Variants in CLIC5 observed in about 807,000 individuals in gnomAD.
The protein encoded by CLIC5 is CLIC family member 5.
Under a neutral mutation model 24.7 loss-of-function variants are expected in CLIC5, and 20 were observed. That is an observed-to-expected ratio of 0.81 (90% CI 0.57 to 1.18). CLIC5 has a LOEUF of 1.18. CLIC5 is among the 50% of genes most tolerant of loss of function. CLIC5 has a pLI of 0.00. For missense variants in CLIC5, 341 were observed against 326.1 expected, an observed-to-expected ratio of 1.05 and a Z score of -0.35; for synonymous variants, 159 against 135.6, an observed-to-expected ratio of 1.17 and a Z score of -1.20.
At chr6:46,015,861 G>T, upstream of CLIC5, 2 of 1,088,722 alleles carry the variant, frequency 1.8e-6, no homozygotes, top group Non-Finnish European at 2.2e-6. Flanking sequence ...GACTGTCAGC[G>T]ATCCCGCCGC....
chr6:46,090,570 T>TA, the CLIC5 span, among the ~76,000 whole-genome samples: 1 of 152,222 alleles, frequency 6.6e-6, no homozygotes, highest in African/African-American at 2.4e-5. Context: ...ATTTAATTTT[T>TA]AAAAAATGTT....
chr6:46,042,465 G>C (rs938588635), intron 1 of CLIC5, among the ~76,000 whole-genome samples: 1 of 152,032 alleles, frequency 6.6e-6, no homozygotes, highest in African/African-American at 2.4e-5. Context: ...GCCCACCTAG[G>C]AGGTGGGGCA....
chr6:45,984,257 G>A (rs1238059691), intron 1 of CLIC5, among the ~76,000 whole-genome samples: 2 of 152,224 alleles, frequency 1.3e-5, no homozygotes, highest in African/African-American at 4.8e-5. Flanking sequence ...AGAGGGATGT[G>A]TAGAATTAAT....
At chr6:45,888,263 A>G (rs756285305) in intron 6 of CLIC5, among the ~76,000 whole-genome samples, 16 of 152,232 alleles carry the variant, frequency 1.1e-4, no homozygotes, top group Non-Finnish European at 5.9e-5. Flanking sequence ...AATTCTCCAT[A>G]GCCATAGGTC....
intron 1 of CLIC5, among the ~76,000 whole-genome samples, chr6:46,027,501 T>C (rs927413746): frequency 6.6e-6 from 1 of 152,214 alleles, no homozygotes; most frequent in Non-Finnish European, 1.5e-5. Context: ...TCAACCTTTG[T>C]AGTTTCAATA....
intron 6 of CLIC5, chr6:45,892,374 C>T (rs541970705): frequency 1.3e-5 from 2 of 152,342 alleles, no homozygotes; most frequent in South Asian, 4.1e-4. Flanking sequence ...GTGACCACAC[C>T]TTGGTTTTGC....
intron 1 of CLIC5, among the ~76,000 whole-genome samples, chr6:46,041,997 C>A (rs1023394794): frequency 2.6e-5 from 4 of 152,302 alleles, no homozygotes; most frequent in African/African-American, 7.2e-5. Flanking sequence ...AGGCACTGGA[C>A]TACCAGTTTC....
At chr6:46,110,087 G>C in the CLIC5 span, among the ~76,000 whole-genome samples, 2 of 152,212 alleles carry the variant, frequency 1.3e-5, no homozygotes, top group South Asian at 2.1e-4. Context: ...TCCCAGGATC[G>C]ACTGTATCTT....
Position 45,941,660 on chromosome 6 carries a change from T to C in CLIC5, c.300-7A>G. The C allele has an allele frequency of 1.2e-6, 2 of 1,606,234 alleles. No individual in the cohort carries two copies. The highest frequency in any genetic ancestry group is 1.7e-6 in the Non-Finnish European group (2 of 1,172,846). ...TGCAGCCAGTTTGGGGTACCTGGAATGGAGGATGCAGTGTTCTGTGAATCA... is the reference window on the plus strand; with the variant it reads ...TGCAGCCAGTTTGGGGTACCTGGAACGGAGGATGCAGTGTTCTGTGAATCA... On this transcript the variant is annotated splice_polypyrimidine_tract_variant and splice_region_variant and intron_variant, in intron 3 of 5. Coordinates refer to ENST00000339561, the MANE Select transcript of CLIC5 (RefSeq NM_016929.5).
At chr6:46,085,408 T>A in the CLIC5 span, among the ~76,000 whole-genome samples, 2 of 152,220 alleles carry the variant, frequency 1.3e-5, no homozygotes, top group Non-Finnish European at 2.9e-5. Flanking sequence ...TGTGGTTTTA[T>A]CTACTTTTGG....
chr6:45,997,982 C>G (rs934404867), intron 1 of CLIC5, among the ~76,000 whole-genome samples: 1 of 152,234 alleles, frequency 6.6e-6, no homozygotes, highest in Non-Finnish European at 1.5e-5. Flanking sequence ...GTGCCTTGAT[C>G]AAGGGTGTAG....
At chr6:45,984,923 G>A (rs1334981967) in intron 1 of CLIC5, among the ~76,000 whole-genome samples, 1 of 152,182 alleles carries the variant, frequency 6.6e-6, no homozygotes, top group African/African-American at 2.4e-5. Context: ...AACAAGGTCG[G>A]TAACTGCCAT....
chr6:45,973,945 G>A (rs1442557106), intron 1 of CLIC5, among the ~76,000 whole-genome samples: 1 of 148,682 alleles, frequency 6.7e-6, no homozygotes, highest in East Asian at 1.9e-4. Flanking sequence ...AAAAAAAGCA[G>A]AATAGTTGAT....
chr6:46,097,380 C>T, the CLIC5 span: 1 of 152,216 alleles, frequency 6.6e-6, no homozygotes, highest in Admixed American at 6.5e-5. Context: ...TGAGGAGATA[C>T]TACTGCCTGT....
downstream of CLIC5, among the ~76,000 whole-genome samples, chr6:45,898,280 C>T (rs1462206562): frequency 1.3e-5 from 2 of 151,790 alleles, no homozygotes; most frequent in African/African-American, 2.4e-5. Flanking sequence ...CCCATCTCTA[C>T]TAAAATACAA....
At chr6:45,926,644 T>C (rs1763510600) in intron 4 of CLIC5, among the ~76,000 whole-genome samples, 1 of 152,160 alleles carries the variant, frequency 6.6e-6, no homozygotes, top group African/African-American at 2.4e-5. Flanking sequence ...CTCTGGCTGC[T>C]AGCTGAAAAA....
chr6:45,936,889 T>C (rs1763956634), intron 4 of CLIC5, among the ~76,000 whole-genome samples: 1 of 151,092 alleles, frequency 6.6e-6, no homozygotes, highest in Non-Finnish European at 1.5e-5. Flanking sequence ...CATGAGAAAA[T>C]CCAGTCTACA....
intron 6 of CLIC5, among the ~76,000 whole-genome samples, chr6:45,889,034 A>G (rs1216852087): frequency 6.6e-6 from 1 of 152,206 alleles, no homozygotes; most frequent in Non-Finnish European, 1.5e-5. Flanking sequence ...ATGCAGTTGT[A>G]AAAAGGAATG....
upstream of CLIC5, among the ~76,000 whole-genome samples, chr6:46,083,958 C>T (rs1762976905): frequency 6.6e-6 from 1 of 151,980 alleles, no homozygotes; most frequent in Admixed American, 6.6e-5. Flanking sequence ...TCTGGGTGCT[C>T]CTGTATTGGG....
Sources: allele counts gnomAD v4.1 joint callset (sites outside exome capture counted in the v4.1 genomes callset), GRCh38; gene constraint gnomAD v4.1.1; transcripts MANE v1.5; gene names NCBI Gene and HGNC (gene_info 2026-07-23, HGNC 2026-07-21).